Variants in PIK3R3 observed in about 807,000 individuals in gnomAD.
PIK3R3 encodes phosphatidylinositol 3-kinase regulatory subunit gamma.
Under a neutral mutation model 62.9 loss-of-function variants are expected in PIK3R3, and 64 were observed. The observed-to-expected ratio is 1.02, with a 90% CI of 0.83 to 1.25. The LOEUF (loss-of-function observed/expected upper bound fraction) is 1.25. Ranked by LOEUF, PIK3R3 falls within the 50% of genes most tolerant of loss-of-function variation. The probability of loss-of-function intolerance (pLI) is 0.00; values close to 1 mark genes in which losing one functional copy is unlikely to be tolerated. For synonymous variants in PIK3R3, 165 were observed against 189.0 expected, an observed-to-expected ratio of 0.87 and a Z score of 1.04; for missense variants, 614 against 561.6, an observed-to-expected ratio of 1.09 and a Z score of -0.94.
intron 1 of PIK3R3, among the ~76,000 whole-genome samples, chr1:46,090,000 G>A (rs1213897269): frequency 6.6e-6 from 1 of 152,156 alleles, no homozygotes; most frequent in Non-Finnish European, 1.5e-5. Flanking sequence ...GAAAAGGCCG[G>A]AAGAGTTAAG....
At chr1:46,068,577 T>C (rs1649212706) in intron 3 of PIK3R3, among the ~76,000 whole-genome samples, 1 of 152,234 alleles carries the variant, frequency 6.6e-6, no homozygotes, top group Non-Finnish European at 1.5e-5. Flanking sequence ...TTGTTTGTAC[T>C]GCTCAAGGAA....
chr1:46,160,912 G>A, the PIK3R3 span, among the ~76,000 whole-genome samples: 2 of 152,170 alleles, frequency 1.3e-5, no homozygotes, highest in African/African-American at 4.8e-5. Flanking sequence ...TAACCAAAAG[G>A]AGGAGAGACT....
intron 9 of PIK3R3, among the ~76,000 whole-genome samples, chr1:46,045,511 T>A (rs2149371939): frequency 6.6e-6 from 1 of 151,972 alleles, no homozygotes; most frequent in Non-Finnish European, 1.5e-5. Flanking sequence ...AAATTTTAGA[T>A]AGAGTTTTCC....
chr1:46,132,810 A>G (rs1267022749), upstream of PIK3R3: 5 of 1,233,358 alleles, frequency 4.1e-6, no homozygotes, highest in Admixed American at 1.4e-4. Flanking sequence ...GCCTGAGAAC[A>G]TGTTCAAAAA....
At chr1:46,097,654 G>T (rs1245504662) in intron 1 of PIK3R3, among the ~76,000 whole-genome samples, 1 of 151,616 alleles carries the variant, frequency 6.6e-6, no homozygotes, top group Non-Finnish European at 1.5e-5. Context: ...TTGGGAGGCC[G>T]AGGCGGGTGG....
At chr1:46,145,163 A>G in the PIK3R3 span, among the ~76,000 whole-genome samples, 1 of 151,618 alleles carries the variant, frequency 6.6e-6, no homozygotes, top group Non-Finnish European at 1.5e-5. Flanking sequence ...GTTAAAATTT[A>G]GAATTCACAG....
chr1:46,159,132 G>T, the PIK3R3 span, among the ~76,000 whole-genome samples: 1 of 135,606 alleles, frequency 7.4e-6, no homozygotes, highest in Non-Finnish European at 1.6e-5. Flanking sequence ...AAATAAAATG[G>T]CAAATAATCC....
chr1:46,080,790 T>C, intron 1 of PIK3R3, 40 bp from the exon 2 acceptor site: 1 of 1,370,130 alleles, frequency 7.3e-7, no homozygotes, highest in Non-Finnish European at 1.0e-6. Context: ...ATGTAAATTA[T>C]TTACTGTTTT....
At chr1:46,133,965 G>A (rs1655833274), upstream of PIK3R3, among the ~76,000 whole-genome samples, 1 of 152,188 alleles carries the variant, frequency 6.6e-6, no homozygotes, top group Non-Finnish European at 1.5e-5. Flanking sequence ...AAATCTGGGA[G>A]ATTGGCTTCA....
At chr1:46,124,944 G>A (rs1654970296) in intron 1 of PIK3R3, among the ~76,000 whole-genome samples, 1 of 150,150 alleles carries the variant, frequency 6.7e-6, no homozygotes, top group Non-Finnish European at 1.5e-5. Context: ...CTTAAAATAC[G>A]AAAAATAAGC....
the PIK3R3 span, among the ~76,000 whole-genome samples, chr1:46,145,932 G>A: frequency 5.4e-4 from 82 of 151,906 alleles, no homozygotes; most frequent in African/African-American, 1.9e-3. Flanking sequence ...TTGAGAAGAG[G>A]GAGGTGAGAT....
At chr1:46,116,878 C>A (rs1654234579) in intron 1 of PIK3R3, among the ~76,000 whole-genome samples, 1 of 152,070 alleles carries the variant, frequency 6.6e-6, no homozygotes, top group East Asian at 1.9e-4. Flanking sequence ...GAAATCCCAA[C>A]AACCTGAGTC....
chr1:46,094,346 G>A (rs1001984198), intron 1 of PIK3R3, among the ~76,000 whole-genome samples: 7 of 152,054 alleles, frequency 4.6e-5, no homozygotes, highest in African/African-American at 1.7e-4. Flanking sequence ...TTGGATGTTA[G>A]GATATAATCT....
chr1:46,103,256 C>T (rs554605096), intron 1 of PIK3R3, among the ~76,000 whole-genome samples: 1 of 152,072 alleles, frequency 6.6e-6, no homozygotes, highest in African/African-American at 2.4e-5. Flanking sequence ...TGTTAATATG[C>T]TTAGTATCAC....
At chr1:46,082,395 A>G (rs972877466) in intron 1 of PIK3R3, among the ~76,000 whole-genome samples, 38 of 152,244 alleles carry the variant, frequency 2.5e-4, no homozygotes, top group African/African-American at 8.7e-4. Flanking sequence ...AAGACTAAAG[A>G]ATCCTGACAA....
intron 7 of PIK3R3, among the ~76,000 whole-genome samples, chr1:46,054,638 C>T (rs1312301861): frequency 6.6e-6 from 1 of 152,136 alleles, no homozygotes; most frequent in Non-Finnish European, 1.5e-5. Context: ...ACAGTCTATT[C>T]GTTACCCAGA....
intron 1 of PIK3R3, among the ~76,000 whole-genome samples, chr1:46,094,296 T>G (rs188401249): frequency 3.3e-5 from 5 of 152,332 alleles, no homozygotes; most frequent in Non-Finnish European, 7.4e-5. Flanking sequence ...AAATCTATTT[T>G]ATTTTAGAGG....
chr1:46,168,528 G>A, the PIK3R3 span, among the ~76,000 whole-genome samples: 2 of 152,192 alleles, frequency 1.3e-5, no homozygotes, highest in Non-Finnish European at 2.9e-5. Flanking sequence ...CTGACCCTAT[G>A]AGCCAGTGAC....
At chr1:46,083,818 A>C (rs1444781884) in intron 1 of PIK3R3, among the ~76,000 whole-genome samples, 1 of 152,236 alleles carries the variant, frequency 6.6e-6, no homozygotes, top group Non-Finnish European at 1.5e-5. Flanking sequence ...TGGAATACTC[A>C]TAGACTGCTG....
Sources: allele counts gnomAD v4.1 joint callset (sites outside exome capture counted in the v4.1 genomes callset), GRCh38; gene constraint gnomAD v4.1.1; transcripts MANE v1.5; gene names NCBI Gene and HGNC (gene_info 2026-07-23, HGNC 2026-07-21).